Variants in NMNAT2 observed in about 807,000 individuals in gnomAD.
NMNAT2 encodes the protein nicotinamide nucleotide adenylyltransferase 2, also known as nicotinamide/nicotinic acid mononucleotide adenylyltransferase 2.
NMNAT2 carries 11 observed loss-of-function variants against 41.6 expected under a neutral mutation model. The observed-to-expected ratio is 0.26, with a 90% CI of 0.17 to 0.44. The LOEUF (loss-of-function observed/expected upper bound fraction) is 0.44, where lower values mean the gene tolerates loss of function less well. Among genes scored for constraint, NMNAT2 ranks in the 20% least tolerant of loss-of-function variants. The pLI is 1.00. For synonymous variants in NMNAT2, 148 were observed against 151.2 expected (o/e 0.98, Z 0.16); for missense variants, 288 against 407.7 (o/e 0.71, Z 2.53).
intron 1 of NMNAT2, among the ~76,000 whole-genome samples, chr1:183,329,561 C>T (rs1407333268): frequency 6.6e-6 from 1 of 152,194 alleles, no homozygotes; most frequent in Non-Finnish European, 1.5e-5. Flanking sequence ...GGGGATGACC[C>T]TGCTAAGATC....
intron 1 of NMNAT2, among the ~76,000 whole-genome samples, chr1:183,390,034 A>G (rs2101920957): frequency 6.6e-6 from 1 of 152,148 alleles, no homozygotes; most frequent in South Asian, 2.1e-4. Flanking sequence ...CACGATATAG[A>G]ACATTGTTTC....
chr1:183,310,630 G>A (rs1662093034), intron 1 of NMNAT2, among the ~76,000 whole-genome samples: 2 of 152,154 alleles, frequency 1.3e-5, no homozygotes, highest in Non-Finnish European at 2.9e-5. Flanking sequence ...ATTGTAAGAA[G>A]AAAGTGCTAC....
intron 1 of NMNAT2, among the ~76,000 whole-genome samples, chr1:183,407,959 C>T (rs1451858762): frequency 6.6e-6 from 1 of 152,220 alleles, no homozygotes; most frequent in Admixed American, 6.5e-5. Flanking sequence ...GTAAACCAAA[C>T]ACCAGAAAAT....
At chr1:183,357,049 A>G (rs1251022357) in intron 1 of NMNAT2, among the ~76,000 whole-genome samples, 1 of 152,092 alleles carries the variant, frequency 6.6e-6, no homozygotes, top group Non-Finnish European at 1.5e-5. Flanking sequence ...GACACAACAC[A>G]TGTCTCAAAA....
intron 1 of NMNAT2, among the ~76,000 whole-genome samples, chr1:183,330,371 A>G (rs957613984): frequency 4.6e-5 from 7 of 152,226 alleles, no homozygotes; most frequent in African/African-American, 7.2e-5. Flanking sequence ...TGAGACGTCA[A>G]TTGAGCAGAG....
At chr1:183,253,965 ATTTTCT>A (rs1660457883) in intron 10 of NMNAT2, among the ~76,000 whole-genome samples, 1 of 149,560 alleles carries the variant, frequency 6.7e-6, no homozygotes, top group Non-Finnish European at 1.5e-5. Context: ...GTAAGAACAC[ATTTTCT>A]TTATCTATTC....
In NMNAT2 at chr1:183,395,754, T is replaced by C. The variant is rs371474904; in HGVS notation, c.85+22429A>G. Among the ~76,000 whole-genome samples the C allele has an allele frequency of 2.0e-5, 3 of 152,250 alleles. No individual in the cohort carries two copies. The East Asian group carries it at 5.8e-4, about 29-fold the overall frequency. On this transcript the variant is annotated intron_variant, in intron 1 of 10. Coordinates refer to ENST00000287713, the MANE Select transcript of NMNAT2 (RefSeq NM_015039.4). ...AAAGGAGGTGTTACACTTTTTACAG[T>C]GTATTGGGAGAGGGGAGGTTATTGA...
intron 1 of NMNAT2, among the ~76,000 whole-genome samples, chr1:183,301,142 AC>A (rs1661840199): frequency 6.6e-6 from 1 of 152,174 alleles, no homozygotes; most frequent in Non-Finnish European, 1.5e-5. Context: ...GTTTGGGGGC[AC>A]CTCCTTACAT....
At chr1:183,389,804 GA>G (rs1303092848) in intron 1 of NMNAT2, among the ~76,000 whole-genome samples, 4 of 62,548 alleles carry the variant, frequency 6.4e-5, no homozygotes, top group Non-Finnish European at 9.7e-5. Context: ...AAGAAAGAAA[GA>G]AAGAAAGAAA....
intron 1 of NMNAT2, among the ~76,000 whole-genome samples, chr1:183,382,182 C>A (rs1345224419): frequency 6.6e-6 from 1 of 152,048 alleles, no homozygotes; most frequent in Non-Finnish European, 1.5e-5. Flanking sequence ...ATGGCTGGAG[C>A]AGGAGAAGGA....
chr1:183,317,111 T>A lies in NMNAT2; in HGVS notation c.86-23318A>T, dbSNP rs561732992. 1.4e-3 allele frequency among the ~76,000 whole-genome samples: 216 copies of A among 152,354 alleles called. 5 individuals are homozygous for A. In the South Asian group the frequency reaches 0.043, roughly 30 times the overall value. On this transcript the variant is annotated intron_variant, in intron 1 of 10. Transcript: ENST00000287713. ...GGAATTCCAGTAACCTGTGTCAAAG[T>A]GGAGTAGACTCTTCTAAATGGGAAC...
chr1:183,320,611 T>C (rs901553109), intron 1 of NMNAT2, among the ~76,000 whole-genome samples: 1 of 152,128 alleles, frequency 6.6e-6, no homozygotes, highest in African/African-American at 2.4e-5. Context: ...CAAGAATAAA[T>C]AAAATTTCTT....
At chr1:183,347,417 C>A (rs1369859218) in intron 1 of NMNAT2, among the ~76,000 whole-genome samples, 1 of 152,084 alleles carries the variant, frequency 6.6e-6, no homozygotes, top group African/African-American at 2.4e-5. Flanking sequence ...GATCGTACCA[C>A]CGCACTCCAG....
intron 7 of NMNAT2, 143 bp from the exon 8 acceptor site, chr1:183,278,772 TGA>T: frequency 1.5e-6 from 1 of 656,106 alleles, no homozygotes; most frequent in Non-Finnish European, 2.8e-6. Context: ...CCTCTGCCCC[TGA>T]GTGTGTGCAG....
chr1:183,304,377 C>T (rs1197731822), intron 1 of NMNAT2, among the ~76,000 whole-genome samples: 2 of 152,138 alleles, frequency 1.3e-5, no homozygotes, highest in African/African-American at 4.8e-5. Flanking sequence ...AAGAAACAAT[C>T]GATTGCAGAA....
intron 4 of NMNAT2, among the ~76,000 whole-genome samples, chr1:183,287,924 G>A (rs536514167): frequency 1.6e-4 from 24 of 152,284 alleles, no homozygotes; most frequent in African/African-American, 5.8e-4. Context: ...GGGGTAACCT[G>A]TCACCTTTGT....
intron 1 of NMNAT2, among the ~76,000 whole-genome samples, chr1:183,300,263 G>T (rs552741511): frequency 6.1e-4 from 93 of 152,166 alleles, no homozygotes; most frequent in Non-Finnish European, 1.2e-4. Flanking sequence ...TTAGCCAGGC[G>T]TGGTGGCACG....
chr1:183,288,921 G>C (rs1397924704), intron 4 of NMNAT2, among the ~76,000 whole-genome samples: 8 of 152,218 alleles, frequency 5.3e-5, no homozygotes, highest in African/African-American at 1.9e-4. Flanking sequence ...TATGTGAGAA[G>C]GGTTCTGAAA....
chr1:183,263,277 A>G (rs1660709609), intron 8 of NMNAT2, among the ~76,000 whole-genome samples: 1 of 152,236 alleles, frequency 6.6e-6, no homozygotes, highest in Non-Finnish European at 1.5e-5. Context: ...AGAGCATTGC[A>G]CAACACACTG....
Sources: gnomAD v4.1 joint callset for allele counts (sites outside exome capture counted in the v4.1 genomes callset) on GRCh38, gnomAD v4.1.1 for gene constraint, MANE v1.5 for transcripts, NCBI Gene and HGNC (gene_info 2026-07-23, HGNC 2026-07-21) for gene names.